Variants in COQ8A observed in about 807,000 individuals in gnomAD.
COQ8A encodes coenzyme Q8A, also known as atypical kinase COQ8A, mitochondrial.
A neutral mutation model predicts 65.0 loss-of-function variants in COQ8A; 51 were observed. The ratio of observed to expected loss-of-function variants is 0.78; its 90% CI spans 0.63 to 0.99. The LOEUF (loss-of-function observed/expected upper bound fraction) is 0.99. Among genes scored for constraint, COQ8A ranks in the 50% least tolerant of loss-of-function variants. The pLI is 0.00. For missense variants in COQ8A, 940 were observed against 875.0 expected (o/e 1.07, Z -0.94); for synonymous variants, 371 against 353.2 (o/e 1.05, Z -0.57).
intron 14 of COQ8A, among the ~76,000 whole-genome samples, chr1:226,985,964 G>A (rs766421143): frequency 3.2e-4 from 49 of 152,124 alleles, no homozygotes; most frequent in Non-Finnish European, 6.3e-4. Flanking sequence ...ATTCCTGGCC[G>A]CCCCGTCCCT....
At chr1:226,967,281 T>A (rs1160182926) in intron 4 of COQ8A, among the ~76,000 whole-genome samples, 1 of 152,230 alleles carries the variant, frequency 6.6e-6, no homozygotes, top group Non-Finnish European at 1.5e-5. Flanking sequence ...CTGTCTTCTT[T>A]CCCCATGATA....
At chr1:226,973,269 GTA>G (rs1160606957) in intron 4 of COQ8A, among the ~76,000 whole-genome samples, 1 of 152,238 alleles carries the variant, frequency 6.6e-6, no homozygotes, top group Non-Finnish European at 1.5e-5. Context: ...GTGCGGGAGT[GTA>G]GTTTTTTGCC....
intron 4 of COQ8A, among the ~76,000 whole-genome samples, chr1:226,967,712 G>A (rs531172472): frequency 5.3e-5 from 8 of 152,350 alleles, no homozygotes; most frequent in African/African-American, 1.9e-4. Flanking sequence ...GGTTAGTGGA[G>A]TTGAAGCCCT....
At chr1:226,959,679 C>T (rs1264627666) in intron 1 of COQ8A, among the ~76,000 whole-genome samples, 2 of 152,226 alleles carry the variant, frequency 1.3e-5, no homozygotes, top group Non-Finnish European at 2.9e-5. Flanking sequence ...GTATGCAGGA[C>T]CACATATCTA....
At chr1:226,962,380 G>C (rs188628458) in intron 2 of COQ8A, among the ~76,000 whole-genome samples, 2 of 152,320 alleles carry the variant, frequency 1.3e-5, no homozygotes, top group East Asian at 3.9e-4. Flanking sequence ...CAGTGAAATC[G>C]TGTGCTGGAG....
At chr1:226,982,863 C>G in intron 7 of COQ8A, 31 bp from the exon 8 acceptor site, 1 of 1,612,628 alleles carries the variant, frequency 6.2e-7, no homozygotes, top group Non-Finnish European at 8.5e-7. Context: ...GCAGGGCATG[C>G]TCAGAGCCCC....
intron 1 of COQ8A, among the ~76,000 whole-genome samples, chr1:226,960,788 G>T (rs1357969802): frequency 1.3e-5 from 2 of 152,124 alleles, no homozygotes; most frequent in African/African-American, 4.8e-5. Context: ...ACCCTGAGGG[G>T]TCAGGGAGGG....
intron 12 of COQ8A, 36 bp downstream of exon 12, chr1:226,984,691 T>G: frequency 6.3e-7 from 1 of 1,589,010 alleles, no homozygotes; most frequent in South Asian, 1.1e-5. Context: ...CAGCCAGGCC[T>G]GAGAGCTTCT....
In COQ8A at chr1:226,983,763, C is replaced by T; in HGVS notation, c.1165C>T (p.Leu389=). The T allele has an allele frequency of 6.2e-7, 1 of 1,613,160 alleles. No homozygotes were observed. The highest frequency in any genetic ancestry group is 8.5e-7 in the Non-Finnish European group (1 of 1,179,994). The part of the protein sequence containing the change: ...LNMSNMLPEG[L]FPEHLIDVLR... The stretch of plus-strand genomic sequence containing the variant: ...TGATGCCCTCCTCCCTGGCCCAGGC[C>T]TGTTCCCCGAGCACCTGATCGACGT... The change falls in exon 10 of 15, where the codon CTG becomes TTG. Residue 389 remains leucine, a splice_region_variant and synonymous_variant. Transcript: ENST00000366777.
At chr1:226,974,294 A>C (rs1442006971) in intron 4 of COQ8A, among the ~76,000 whole-genome samples, 1 of 152,130 alleles carries the variant, frequency 6.6e-6, no homozygotes, top group East Asian at 1.9e-4. Context: ...TCGGAGAAAC[A>C]TGTCAGAAGC....
At chr1:226,983,421 C>T in intron 8 of COQ8A, 131 bp from the exon 9 acceptor site, 1 of 869,384 alleles carries the variant, frequency 1.2e-6, no homozygotes, top group Non-Finnish European at 1.9e-6. Flanking sequence ...TGGGTCTTAG[C>T]TCTGGTTCTC....
At chr1:226,951,862 G>T (rs766445785) in intron 1 of COQ8A, among the ~76,000 whole-genome samples, 3 of 152,152 alleles carry the variant, frequency 2.0e-5, no homozygotes, top group Non-Finnish European at 4.4e-5. Flanking sequence ...AGCAGGCTGT[G>T]TTCCAATAAA....
chr1:226,969,731 G>A (rs1337670285), intron 4 of COQ8A, among the ~76,000 whole-genome samples: 1 of 151,730 alleles, frequency 6.6e-6, no homozygotes, highest in Non-Finnish European at 1.5e-5. Flanking sequence ...TATGTTTAAT[G>A]CATATCTATG....
rs748684298 is a variant in COQ8A at position 226,984,111 on chromosome 1, A to G, written c.1274A>G (p.His425Arg). ...CTACCCAGGGACCTGCTGAAGGGCC[A>G]CCCCTTCTTCTATGTGCCTGAGATT... ...ARKFRDLLKG[H>R]PFFYVPEIVD... The change falls in exon 11 of 15, where the codon CAC becomes CGC. Residue 425 changes from histidine to arginine, a missense_variant. His to Arg is a conservative substitution (Grantham distance 29). Coordinates refer to ENST00000366777, the MANE Select transcript of COQ8A (RefSeq NM_020247.5). 2 of 1,613,462 alleles carry G rather than the reference A, an allele frequency of 1.2e-6. No homozygotes were observed. The highest frequency in any genetic ancestry group is 1.7e-6 in the Non-Finnish European group (2 of 1,179,964).
Position 226,965,233 on chromosome 1 carries a change from T to C in COQ8A, c.411T>C (p.Pro137=). 1.2e-6 allele frequency: 2 copies of C among 1,613,950 alleles called. No individual in the cohort carries two copies. The highest frequency in any genetic ancestry group is 1.7e-6 in the Non-Finnish European group (2 of 1,180,014). The change falls in exon 3 of 15, where the codon CCT becomes CCC. Residue 137 remains proline (P), a synonymous_variant. Transcript: ENST00000366777. ...GGTTCCCCGGCCAGGCCTCCTCCCC[T>C]CTGGGCAGGGCCAACGGGAGGCTCT... The part of the protein sequence containing the change: ...EAGFPGQASS[P]LGRANGRLFA...
intron 2 of COQ8A, among the ~76,000 whole-genome samples, chr1:226,964,010 C>T (rs992165043): frequency 3.3e-5 from 5 of 152,238 alleles, no homozygotes; most frequent in Non-Finnish European, 7.3e-5. Flanking sequence ...TTCACCAGCA[C>T]ATCAGCCGTC....
At chr1:226,953,789 T>C (rs1657526987) in intron 1 of COQ8A, among the ~76,000 whole-genome samples, 5 of 152,172 alleles carry the variant, frequency 3.3e-5, no homozygotes, top group Admixed American at 3.3e-4. Context: ...AGCCGGGAGT[T>C]GCCCGAGATG....
At chr1:226,968,325 ACT>A (rs1314717276) in intron 4 of COQ8A, among the ~76,000 whole-genome samples, 1 of 152,126 alleles carries the variant, frequency 6.6e-6, no homozygotes, top group African/African-American at 2.4e-5. Flanking sequence ...ACAGAGTGAG[ACT>A]CTGTCTCAAA....
chr1:226,974,998 A>C (rs973220329), intron 4 of COQ8A: 5 of 152,222 alleles, frequency 3.3e-5, no homozygotes, highest in African/African-American at 7.2e-5. Context: ...TAACCTGTGG[A>C]TCCACCTGCC....
Sources: allele counts gnomAD v4.1 joint callset (sites outside exome capture counted in the v4.1 genomes callset), GRCh38; gene constraint gnomAD v4.1.1; transcripts MANE v1.5; gene names NCBI Gene and HGNC (gene_info 2026-07-23, HGNC 2026-07-21).